Variants in SORCS1 observed in about 807,000 individuals in gnomAD.
The protein encoded by SORCS1 is VPS10 domain-containing receptor SorCS1.
Under a neutral mutation model 146.1 loss-of-function variants are expected in SORCS1, and 60 were observed. That is an observed-to-expected ratio of 0.41 (90% confidence interval 0.33 to 0.51). The LOEUF (loss-of-function observed/expected upper bound fraction) is 0.51, where lower values mean the gene tolerates loss of function less well. Among genes scored for constraint, SORCS1 ranks in the 20% least tolerant of loss-of-function variants. SORCS1 has a pLI of 0.21. For missense variants in SORCS1, 1,352 were observed against 1,487.6 expected, an observed-to-expected ratio of 0.91 and a Z score of 1.50; for synonymous variants, 637 against 584.0, an observed-to-expected ratio of 1.09 and a Z score of -1.31.
At chr10:106,590,492 A>C (rs1438269693) in intron 24 of SORCS1, among the ~76,000 whole-genome samples, 7 of 152,210 alleles carry the variant, frequency 4.6e-5, no homozygotes, top group Admixed American at 4.6e-4. Flanking sequence ...TCAAGTTACT[A>C]GGGTCAATGA....
rs565226504 is a variant in SORCS1, at chr10:106,679,100, C to G, written c.1740+156G>C. Among the ~76,000 whole-genome samples, 15 of 152,266 alleles carry G rather than the reference C, an allele frequency of 9.9e-5. No individual in the cohort carries two copies. The South Asian group carries it at 2.9e-3, about 29-fold the overall frequency. ...TCCATAAATATTTGCTACACTCCAACATTTAAGACTTTTATATAAAAAGGA... is the reference window on the plus strand; with the variant it reads ...TCCATAAATATTTGCTACACTCCAAGATTTAAGACTTTTATATAAAAAGGA... On this transcript the variant is annotated intron_variant, in intron 12 of 25. Coordinates refer to ENST00000263054, the MANE Select transcript of SORCS1 (RefSeq NM_052918.5).
chr10:106,621,094 A>T (rs1847714619), intron 19 of SORCS1, among the ~76,000 whole-genome samples: 1 of 152,202 alleles, frequency 6.6e-6, no homozygotes, highest in Non-Finnish European at 1.5e-5. Flanking sequence ...TGGCACACAC[A>T]CTGTGTTTGG....
intron 3 of SORCS1, among the ~76,000 whole-genome samples, chr10:106,796,776 TAG>T (rs1187216909): frequency 6.6e-6 from 1 of 152,174 alleles, no homozygotes; most frequent in African/African-American, 2.4e-5. Context: ...ATAGTTTAAC[TAG>T]AGTTTCCACT....
intron 3 of SORCS1, 145 bp from the exon 4 acceptor site, chr10:106,776,837 G>T: frequency 3.9e-6 from 3 of 768,946 alleles, no homozygotes; most frequent in Non-Finnish European, 6.1e-6. Context: ...GACTCTGTCA[G>T]GATTATTTTT....
intron 13 of SORCS1, among the ~76,000 whole-genome samples, chr10:106,675,600 C>A (rs1426706855): frequency 2.0e-5 from 3 of 152,158 alleles, no homozygotes; most frequent in Non-Finnish European, 4.4e-5. Flanking sequence ...GTCCTTCTTA[C>A]AACCATAAAT....
intron 1 of SORCS1, among the ~76,000 whole-genome samples, chr10:107,037,798 CTTTGT>C (rs1347212347): frequency 3.3e-5 from 5 of 152,102 alleles, no homozygotes; most frequent in African/African-American, 1.2e-4. Context: ...TTTCTATGTG[CTTTGT>C]TTTGAGGTCA....
chr10:106,925,876 T>G (rs1439532312), intron 2 of SORCS1, among the ~76,000 whole-genome samples: 2 of 152,218 alleles, frequency 1.3e-5, no homozygotes, highest in Non-Finnish European at 2.9e-5. Flanking sequence ...GGGGCTGCAA[T>G]GACAGGTTTA....
chr10:106,886,653 C>T (rs890062025), intron 2 of SORCS1, among the ~76,000 whole-genome samples: 4 of 152,232 alleles, frequency 2.6e-5, no homozygotes, highest in Non-Finnish European at 5.9e-5. Context: ...ACCTACTCTG[C>T]AGGTATCATT....
At chr10:106,913,089 C>T (rs1369854438) in intron 2 of SORCS1, among the ~76,000 whole-genome samples, 9 of 141,148 alleles carry the variant, frequency 6.4e-5, no homozygotes, top group East Asian at 4.1e-4. Context: ...AAAAAAAAAA[C>T]GCAAGGCTTA....
chr10:106,854,823 A>ATG (rs145064921), intron 2 of SORCS1, among the ~76,000 whole-genome samples: 2 of 152,048 alleles, frequency 1.3e-5, no homozygotes, highest in Admixed American at 6.5e-5. Flanking sequence ...CTAAGTGTGT[A>ATG]TGTGTGTGTG....
intron 1 of SORCS1, among the ~76,000 whole-genome samples, chr10:106,981,912 G>T (rs112349660): frequency 4.6e-5 from 7 of 152,264 alleles, no homozygotes; most frequent in Non-Finnish European, 7.3e-5. Flanking sequence ...AGAAGCCCAC[G>T]AAATAGTGCA....
chr10:106,927,006 A>C (rs926514321), intron 2 of SORCS1, among the ~76,000 whole-genome samples: 1 of 152,164 alleles, frequency 6.6e-6, no homozygotes, highest in South Asian at 2.1e-4. Context: ...ACAATACTAC[A>C]TGGCTCAGAG....
chr10:106,611,962 G>A lies in SORCS1; in HGVS notation c.2982C>T (p.Ile994=), dbSNP rs1475390155. 6.2e-7 allele frequency: 1 copy of A among 1,614,130 alleles called. No homozygotes were observed. Among genetic ancestry groups the A allele is most frequent in the Middle Eastern group, 1.7e-4 (1 of 6,060 alleles). Residue 994 remains isoleucine (I), a synonymous_variant, in exon 22 of 26, where the codon ATC becomes ATT. Coordinates refer to ENST00000263054, the MANE Select transcript of SORCS1 (RefSeq NM_052918.5). The part of the protein sequence containing the change: ...SPNLDDYNPD[I]PEWRRDIGRV... ...GACCGATGTCCCTCCTCCACTCAGG[G>A]ATGTCCGGGTTGTAGTCATCCAGGT...
chr10:106,864,246 A>C (rs1363987824), intron 2 of SORCS1, among the ~76,000 whole-genome samples: 1 of 152,184 alleles, frequency 6.6e-6, no homozygotes, highest in Non-Finnish European at 1.5e-5. Context: ...CAGTCCACGG[A>C]GAACAGAGAA....
rs1357094132 is a variant in SORCS1 at position 106,638,276 on chromosome 10, C to T, written c.2476-8888G>A. 4.6e-5 allele frequency among the ~76,000 whole-genome samples: 7 copies of T among 151,976 alleles called. No homozygotes were observed. In the East Asian group the frequency reaches 1.4e-3, roughly 29 times the overall value. On this transcript the variant is annotated intron_variant, in intron 18 of 25. Transcript: ENST00000263054. ...AAGACATTCAGCTATGTAATTAGAACAAAACTATATATACTTTAAAAATGG... is the reference window on the plus strand; with the variant it reads ...AAGACATTCAGCTATGTAATTAGAATAAAACTATATATACTTTAAAAATGG...
chr10:107,150,110 T>C (rs914790655), intron 1 of SORCS1, among the ~76,000 whole-genome samples: 2 of 152,228 alleles, frequency 1.3e-5, no homozygotes, highest in Non-Finnish European at 2.9e-5. Context: ...TTATTGTTTA[T>C]GGGTCTATTT....
chr10:106,946,160 T>C (rs1439174512), intron 2 of SORCS1, among the ~76,000 whole-genome samples: 1 of 152,238 alleles, frequency 6.6e-6, no homozygotes, highest in Non-Finnish European at 1.5e-5. Context: ...GAAACAAGTG[T>C]ATGACATAGG....
intron 2 of SORCS1, 115 bp downstream of exon 2, chr10:106,956,398 A>G: frequency 1.2e-6 from 1 of 846,652 alleles, no homozygotes; most frequent in Admixed American, 2.3e-5. Context: ...AAAGAGAGAA[A>G]GCAAGCAGTG....
chr10:106,900,739 T>C (rs1951667253), intron 2 of SORCS1, among the ~76,000 whole-genome samples: 1 of 152,174 alleles, frequency 6.6e-6, no homozygotes. Context: ...CCTACCCTCA[T>C]AATCTGTTTC....
Sources: gnomAD v4.1 joint callset for allele counts (sites outside exome capture counted in the v4.1 genomes callset) on GRCh38, gnomAD v4.1.1 for gene constraint, MANE v1.5 for transcripts, NCBI Gene and HGNC (gene_info 2026-07-23, HGNC 2026-07-21) for gene names.